GLIS3: variants seen among roughly 807,000 people sequenced by gnomAD.
The protein encoded by GLIS3 is GLIS family zinc finger 3.
In GLIS3, 53 loss-of-function variants were observed where a neutral mutation model predicts 78.6. The ratio of observed to expected loss-of-function variants is 0.67; its 90% CI spans 0.54 to 0.85. The LOEUF is 0.85. Ranked by LOEUF, GLIS3 falls within the 40% of genes least tolerant of loss-of-function variation. The probability of loss-of-function intolerance (pLI) is 0.00; values close to 1 mark genes in which losing one functional copy is unlikely to be tolerated. For missense variants in GLIS3, 1,703 were observed against 1,231.1 expected, an observed-to-expected ratio of 1.38 and a Z score of -5.74; for synonymous variants, 684 against 509.9, an observed-to-expected ratio of 1.34 and a Z score of -4.60.
At chr9:3,955,285 G>A (rs1436806404) in intron 4 of GLIS3, among the ~76,000 whole-genome samples, 2 of 152,154 alleles carry the variant, frequency 1.3e-5, no homozygotes, top group East Asian at 1.9e-4. Context: ...GTTTCACATT[G>A]AAAGCTGAAG....
intron 4 of GLIS3, among the ~76,000 whole-genome samples, chr9:3,997,423 A>G (rs1248485848): frequency 1.3e-5 from 2 of 152,224 alleles, no homozygotes; most frequent in East Asian, 3.9e-4. Flanking sequence ...CATTCAATAA[A>G]CAGAAAAGCT....
At chr9:3,928,693 T>C (rs980910464) in intron 6 of GLIS3, among the ~76,000 whole-genome samples, 3 of 152,216 alleles carry the variant, frequency 2.0e-5, no homozygotes, top group Non-Finnish European at 4.4e-5. Context: ...CATATAAATG[T>C]GTGTTGCATT....
At chr9:4,370,306 G>A in the GLIS3 span, among the ~76,000 whole-genome samples, 5 of 152,122 alleles carry the variant, frequency 3.3e-5, no homozygotes, top group South Asian at 1.0e-3. Context: ...AGATGAGTGA[G>A]CAGCATCACT....
chr9:4,232,874 T>A (rs879460802), intron 2 of GLIS3, among the ~76,000 whole-genome samples: 1 of 152,216 alleles, frequency 6.6e-6, no homozygotes, highest in South Asian at 2.1e-4. Flanking sequence ...CCAGGGAACT[T>A]TGACCATCCC....
At chr9:4,423,347 CTT>C in the GLIS3 span, among the ~76,000 whole-genome samples, 4 of 152,238 alleles carry the variant, frequency 2.6e-5, no homozygotes, top group Non-Finnish European at 4.4e-5. Context: ...GCATCTTAGT[CTT>C]AGCTCCCAAG....
intron 4 of GLIS3, among the ~76,000 whole-genome samples, chr9:4,062,250 T>A (rs972230825): frequency 1.3e-5 from 2 of 152,216 alleles, no homozygotes; most frequent in Admixed American, 1.3e-4. Context: ...AGGCATTTCA[T>A]AATGAAAATC....
intron 4 of GLIS3, among the ~76,000 whole-genome samples, chr9:4,063,032 C>G (rs139670890): frequency 6.6e-6 from 1 of 152,190 alleles, no homozygotes; most frequent in East Asian, 1.9e-4. Context: ...AATAAACTCT[C>G]TTGACTCTTT....
chr9:4,075,294 C>T (rs567743378), intron 4 of GLIS3, among the ~76,000 whole-genome samples: 70 of 151,832 alleles, frequency 4.6e-4, no homozygotes, highest in Middle Eastern at 3.4e-3. Flanking sequence ...TCAGGCCGGG[C>T]GCGGTGGCTG....
intron 2 of GLIS3, among the ~76,000 whole-genome samples, chr9:4,277,076 T>C (rs1030944390): frequency 3.9e-5 from 6 of 152,104 alleles, no homozygotes; most frequent in African/African-American, 1.4e-4. Flanking sequence ...TTAGGTAATA[T>C]ATTAACTGCA....
At chr9:4,263,813 C>T (rs1825744744) in intron 2 of GLIS3, among the ~76,000 whole-genome samples, 1 of 152,104 alleles carries the variant, frequency 6.6e-6, no homozygotes, top group African/African-American at 2.4e-5. Context: ...TCTGAGACAC[C>T]CTCTACCCTG....
chr9:4,253,285 C>G (rs1386127782), intron 2 of GLIS3, among the ~76,000 whole-genome samples: 1 of 152,246 alleles, frequency 6.6e-6, no homozygotes, highest in Non-Finnish European at 1.5e-5. Context: ...ACTGGGGCTG[C>G]TGCCTTTCTT....
At chr9:4,152,695 T>C (rs1404460764) in intron 2 of GLIS3, among the ~76,000 whole-genome samples, 3 of 152,170 alleles carry the variant, frequency 2.0e-5, no homozygotes, top group Non-Finnish European at 4.4e-5. Flanking sequence ...AAAATTGTTA[T>C]AAACGAAAAT....
At chr9:4,078,409 C>G (rs1828260853) in intron 4 of GLIS3, among the ~76,000 whole-genome samples, 1 of 152,156 alleles carries the variant, frequency 6.6e-6, no homozygotes, top group Non-Finnish European at 1.5e-5. Context: ...AATTTCTGAT[C>G]TACACAACTC....
At chr9:4,321,157 A>G (rs1817518194) in intron 2 of GLIS3, among the ~76,000 whole-genome samples, 1 of 151,308 alleles carries the variant, frequency 6.6e-6, no homozygotes, top group Non-Finnish European at 1.5e-5. Flanking sequence ...GCGGTGGCTC[A>G]CGCCTGTAAT....
intron 4 of GLIS3, among the ~76,000 whole-genome samples, chr9:4,020,288 GTTTGTTTTGTTTTTTTTGT>G (rs1189712123): frequency 6.6e-6 from 1 of 152,088 alleles, no homozygotes; most frequent in African/African-American, 2.4e-5. Context: ...GGAAAGTTCT[GTTTGTTTTGTTTTTTTTGT>G]TTTGTTTTGT....
intron 2 of GLIS3, among the ~76,000 whole-genome samples, chr9:4,194,299 A>G (rs1336988567): frequency 1.3e-5 from 2 of 152,254 alleles, no homozygotes; most frequent in East Asian, 1.9e-4. Flanking sequence ...AGCTCAGGCA[A>G]TCTGCCCACT....
intron 2 of GLIS3, among the ~76,000 whole-genome samples, chr9:4,249,558 C>T (rs1373022436): frequency 1.3e-5 from 2 of 152,180 alleles, no homozygotes; most frequent in African/African-American, 4.8e-5. Flanking sequence ...ATCATGTCAT[C>T]TGCAAACAGA....
chr9:3,857,659 C>T (rs116526209), intron 8 of GLIS3, among the ~76,000 whole-genome samples: 161 of 152,330 alleles, frequency 1.1e-3, no homozygotes, highest in African/African-American at 3.7e-3. Flanking sequence ...TTTAATTGAT[C>T]ATTTACATCT....
chr9:4,320,024 T>TGTGTGTGC (rs1554658416), intron 2 of GLIS3, among the ~76,000 whole-genome samples: 6 of 55,376 alleles, frequency 1.1e-4, no homozygotes, highest in Admixed American at 1.7e-4. Context: ...TGTGTGTGTG[T>TGTGTGTGC]GCGCGCGCAC....
Sources: gnomAD v4.1 joint callset for allele counts (sites outside exome capture counted in the v4.1 genomes callset) on GRCh38, gnomAD v4.1.1 for gene constraint, MANE v1.5 for transcripts, NCBI Gene and HGNC (gene_info 2026-07-23, HGNC 2026-07-21) for gene names.